PTPRK: variants seen among roughly 807,000 people sequenced by gnomAD.
PTPRK encodes the protein protein tyrosine phosphatase receptor type K.
In PTPRK, 75 loss-of-function variants were observed where a neutral mutation model predicts 178.0. The ratio of observed to expected loss-of-function variants is 0.42; its 90% CI spans 0.35 to 0.51. PTPRK has a LOEUF of 0.51. Among genes scored for constraint, PTPRK ranks in the 20% least tolerant of loss-of-function variants. The pLI, the probability that PTPRK is intolerant of heterozygous loss-of-function variation, is 0.02. For synonymous variants in PTPRK, 637 were observed against 620.6 expected (o/e 1.03, Z -0.39); for missense variants, 1,441 against 1,797.8 (o/e 0.80, Z 3.59).
intron 7 of PTPRK, among the ~76,000 whole-genome samples, chr6:128,101,761 C>T (rs1022287331): frequency 2.0e-5 from 3 of 152,116 alleles, no homozygotes; most frequent in Non-Finnish European, 2.9e-5. Context: ...GCCCTATACT[C>T]CTGCCAATGT....
chr6:128,065,260 T>C (rs958022879), intron 12 of PTPRK, among the ~76,000 whole-genome samples: 6 of 152,186 alleles, frequency 3.9e-5, no homozygotes, highest in Non-Finnish European at 8.8e-5. Context: ...AGAAAGATCA[T>C]CAAAACATTA....
chr6:128,153,608 C>T (rs1373290535), intron 7 of PTPRK, among the ~76,000 whole-genome samples: 1 of 151,864 alleles, frequency 6.6e-6, no homozygotes, highest in African/African-American at 2.4e-5. Flanking sequence ...AGTTTGAAAT[C>T]CATCTTTCAA....
intron 13 of PTPRK, among the ~76,000 whole-genome samples, chr6:128,055,990 C>CTTT (rs60796705): frequency 7.5e-6 from 1 of 132,654 alleles, no homozygotes; most frequent in South Asian, 2.4e-4. Context: ...TTTTTCTTTT[C>CTTT]TTTTTTTTTT....
intron 1 of PTPRK, among the ~76,000 whole-genome samples, chr6:128,452,801 GTT>G (rs1205046608): frequency 6.6e-6 from 1 of 152,082 alleles, no homozygotes; most frequent in African/African-American, 2.4e-5. Context: ...TGCTATATAG[GTT>G]TCCTGTTTTG....
At chr6:128,274,764 T>C (rs1057125833) in intron 3 of PTPRK, among the ~76,000 whole-genome samples, 1 of 152,034 alleles carries the variant, frequency 6.6e-6, no homozygotes, top group Non-Finnish European at 1.5e-5. Context: ...GAGTACAAAC[T>C]GAAATGGTGA....
rs2128421507 is a variant in PTPRK, at chr6:128,476,985, G to A, written c.100+43274C>T. On this transcript the variant is annotated intron_variant, in intron 1 of 29. Transcript: ENST00000368226. ...AAAAAGGCTTCCATGTGTTTTCCAA[G>A]CACTTAATAAAGAGGCAATAAAAAG... 3.3e-5 allele frequency among the ~76,000 whole-genome samples: 5 copies of A among 151,948 alleles called. 1 individual carries two copies. The South Asian group carries it at 1.0e-3, about 32-fold the overall frequency.
intron 7 of PTPRK, among the ~76,000 whole-genome samples, chr6:128,145,705 A>G (rs1415900880): frequency 6.6e-6 from 1 of 152,150 alleles, no homozygotes; most frequent in Non-Finnish European, 1.5e-5. Context: ...ATTAACCATA[A>G]GCTTTTTCAG....
intron 3 of PTPRK, among the ~76,000 whole-genome samples, chr6:128,270,708 T>G (rs1819671040): frequency 6.6e-6 from 1 of 152,272 alleles, no homozygotes; most frequent in South Asian, 2.1e-4. Context: ...AGTCTTAACT[T>G]TTAGAATGTA....
intron 11 of PTPRK, among the ~76,000 whole-genome samples, chr6:128,077,511 T>G (rs1784053272): frequency 6.6e-6 from 1 of 151,316 alleles, no homozygotes; most frequent in Non-Finnish European, 1.5e-5. Context: ...TTTCCAGTGA[T>G]CTAGGATTAT....
intron 5 of PTPRK, among the ~76,000 whole-genome samples, chr6:128,224,269 A>G (rs976937467): frequency 7.2e-5 from 11 of 152,144 alleles, no homozygotes; most frequent in South Asian, 4.1e-4. Flanking sequence ...TGTCTCCAAT[A>G]CAAGTTGCTG....
At chr6:128,288,268 A>G (rs1203743866) in intron 3 of PTPRK, among the ~76,000 whole-genome samples, 1 of 152,154 alleles carries the variant, frequency 6.6e-6, no homozygotes, top group Non-Finnish European at 1.5e-5. Flanking sequence ...CTTGTCATAC[A>G]CACATGGCTT....
rs556535476 is a variant in PTPRK, at chr6:128,446,640, C to T, written c.101-48952G>A. On this transcript the variant is annotated intron_variant, in intron 1 of 29. Coordinates refer to ENST00000368226, the MANE Select transcript of PTPRK (RefSeq NM_002844.4). The stretch of plus-strand genomic sequence containing the variant: ...AAGTAATGAGAGGTTGGCATGTTTG[C>T]TTTGGGAAGGAAAACTAGCAGCCCA... Among the ~76,000 whole-genome samples the T allele has an allele frequency of 9.2e-5, 14 of 152,264 alleles. No individual in the cohort carries two copies. In the South Asian group the frequency reaches 2.7e-3, roughly 29 times the overall value.
chr6:128,314,049 T>C (rs17055622), intron 3 of PTPRK, among the ~76,000 whole-genome samples: 7,230 of 152,156 alleles, frequency 0.048, 572 homozygotes, highest in African/African-American at 0.16. Flanking sequence ...TTTCCTTCCA[T>C]ATTTAGGTCC....
chr6:128,400,266 A>G (rs1050702023), intron 1 of PTPRK, among the ~76,000 whole-genome samples: 1 of 152,280 alleles, frequency 6.6e-6, no homozygotes, highest in African/African-American at 2.4e-5. Context: ...CATAGTGAAT[A>G]TGAGGAAGGA....
At chr6:128,277,826 C>A (rs1373185983) in intron 3 of PTPRK, among the ~76,000 whole-genome samples, 1 of 150,614 alleles carries the variant, frequency 6.6e-6, no homozygotes, top group Non-Finnish European at 1.5e-5. Context: ...AGTACCTGGC[C>A]CATCTGAGGT....
intron 5 of PTPRK, among the ~76,000 whole-genome samples, chr6:128,235,785 A>G (rs1813140087): frequency 6.6e-6 from 1 of 151,592 alleles, no homozygotes; most frequent in Admixed American, 6.6e-5. Flanking sequence ...AAGCAGATGA[A>G]CCTCCTTCTG....
intron 3 of PTPRK, among the ~76,000 whole-genome samples, chr6:128,252,784 A>G (rs955098952): frequency 6.6e-6 from 1 of 152,188 alleles, no homozygotes; most frequent in South Asian, 2.1e-4. Flanking sequence ...TCATGAGGCC[A>G]TTGTAAAGAT....
At chr6:128,041,964 C>A (rs981301486) in intron 13 of PTPRK, among the ~76,000 whole-genome samples, 3 of 151,798 alleles carry the variant, frequency 2.0e-5, no homozygotes, top group African/African-American at 7.3e-5. Flanking sequence ...ATCACCTTAC[C>A]TCATATCCAA....
intron 2 of PTPRK, among the ~76,000 whole-genome samples, chr6:128,344,487 T>C (rs1236796745): frequency 6.6e-6 from 1 of 152,084 alleles, no homozygotes; most frequent in Non-Finnish European, 1.5e-5. Context: ...AAAATTAGAC[T>C]ATGATTATTC....
Sources: allele counts gnomAD v4.1 joint callset (sites outside exome capture counted in the v4.1 genomes callset), GRCh38; gene constraint gnomAD v4.1.1; transcripts MANE v1.5; gene names NCBI Gene and HGNC (gene_info 2026-07-23, HGNC 2026-07-21).